Variants in HNRNPK observed in about 807,000 individuals in gnomAD.
HNRNPK encodes heterogeneous nuclear ribonucleoprotein K.
Under a neutral mutation model 67.0 loss-of-function variants are expected in HNRNPK, and 7 were observed. The observed-to-expected ratio is 0.10, with a 90% CI of 0.06 to 0.20. HNRNPK has a LOEUF of 0.20. Among genes scored for constraint, HNRNPK ranks in the 10% least tolerant of loss-of-function variants. The probability of loss-of-function intolerance (pLI) is 1.00; values close to 1 mark genes in which losing one functional copy is unlikely to be tolerated. For synonymous variants in HNRNPK, 213 were observed against 193.7 expected, an observed-to-expected ratio of 1.10 and a Z score of -0.83; for missense variants, 264 against 606.5, an observed-to-expected ratio of 0.44 and a Z score of 5.93.
intron 9 of HNRNPK, 141 bp from the exon 10 acceptor site, chr9:83,973,113 G>A (rs1454425829): frequency 1.2e-5 from 9 of 768,736 alleles, no homozygotes; most frequent in Non-Finnish European, 1.9e-5. Context: ...CTTTGCAATG[G>A]TATAAAAATT....
At chr9:83,977,137 C>T (rs2133058944) in intron 4 of HNRNPK, 86 bp from the exon 5 acceptor site, 2 of 938,456 alleles carry the variant, frequency 2.1e-6, no homozygotes, top group East Asian at 4.9e-5. Context: ...CTAAAAAATC[C>T]TCTAACCTGT....
chr9:83,974,761 C>T (rs1210319987), intron 6 of HNRNPK, 172 bp from the exon 7 acceptor site: 3 of 587,328 alleles, frequency 5.1e-6, no homozygotes, highest in Admixed American at 3.1e-5. Flanking sequence ...TTGTTTTATA[C>T]CCAATACAGA....
intron 16 of HNRNPK, chr9:83,969,912 C>A (rs1206643904): frequency 6.4e-6 from 4 of 624,852 alleles, no homozygotes; most frequent in Non-Finnish European, 1.2e-5. Flanking sequence ...GTGGTTTTGG[C>A]AGCAGTTTTC....
At chr9:83,974,651 G>A in intron 6 of HNRNPK, 62 bp from the exon 7 acceptor site, 1 of 1,096,528 alleles carries the variant, frequency 9.1e-7, no homozygotes, top group South Asian at 1.3e-5. Context: ...TGAGTTTTGT[G>A]TTTGTCACCA....
intron 4 of HNRNPK, 64 bp from the exon 5 acceptor site, chr9:83,977,115 T>G: frequency 1.7e-6 from 2 of 1,143,752 alleles, no homozygotes; most frequent in Non-Finnish European, 2.6e-6. Flanking sequence ...CTACCTACGC[T>G]CTTAGATTTT....
chr9:83,970,675 A>G, intron 15 of HNRNPK, 62 bp downstream of exon 15: 2 of 1,092,548 alleles, frequency 1.8e-6, no homozygotes, highest in Non-Finnish European at 2.8e-6. Context: ...TAAAAAATAT[A>G]CAGAAAGGAG....
chr9:83,976,946 CAT>C lies in HNRNPK; in HGVS notation c.213+47_213+48del, dbSNP rs1491307318. ...ATGTAAATCTTTAAATTTCTATAGA[CAT>C]ATAAACTGAAGCTGCTCGTGTAGTA... On this transcript the variant is annotated intron_variant, in intron 5 of 16. Coordinates refer to ENST00000376263, the MANE Select transcript of HNRNPK (RefSeq NM_031263.4). The C allele has an allele frequency of 3.8e-5, 39 of 1,035,854 alleles. 2 individuals are homozygous for C. Among genetic ancestry groups the C allele is most frequent in the Non-Finnish European group, 5.2e-5 (35 of 671,784 alleles). The allele number at this position is 1,035,854 out of a possible 1,614,324, so 64.2% of individuals were successfully genotyped here.
At chr9:83,973,439 C>A (rs1177212647) in intron 8 of HNRNPK, 40 bp from the exon 9 acceptor site, 2 of 1,060,392 alleles carry the variant, frequency 1.9e-6, no homozygotes, top group African/African-American at 3.1e-5. Context: ...CTCAAATCAA[C>A]AATTCCCCAA....
intron 6 of HNRNPK, 30 bp from the exon 7 acceptor site, chr9:83,974,619 CA>C: frequency 1.3e-5 from 20 of 1,517,664 alleles, no homozygotes; most frequent in Non-Finnish European, 1.3e-5. Context: ...CCAGATAGTA[CA>C]AAAAAGGTGG....
At chr9:83,976,666 T>C (rs928069925) in intron 5 of HNRNPK, 3 of 201,228 alleles carry the variant, frequency 1.5e-5, no homozygotes, top group Non-Finnish European at 3.0e-5. Flanking sequence ...CTGTAATTGA[T>C]TCACACACAG....
In HNRNPK at chr9:83,970,969, A is replaced by G. The variant is rs952077638; in HGVS notation, c.1093-57T>C. The G allele has an allele frequency of 1.9e-5, 29 of 1,533,456 alleles. No homozygotes were observed. In the African/African-American group the frequency reaches 3.6e-4, roughly 19 times the overall value. The allele number at this position is 1,533,456 out of a possible 1,614,324, so 95.0% of individuals were successfully genotyped here. A position where few individuals can be genotyped will look rare whatever the true frequency, so the allele number is the denominator to read the frequency against. ...CTTTGCCGTTGTAATTACTACCGGT[A>G]CTTTAAAAAAATTCATTTAATAAAA... On this transcript the variant is annotated intron_variant, in intron 13 of 16. Coordinates refer to ENST00000376263, the MANE Select transcript of HNRNPK (RefSeq NM_031263.4).
intron 3 of HNRNPK, 111 bp from the exon 4 acceptor site, chr9:83,977,897 G>A: frequency 1.4e-6 from 1 of 693,868 alleles, no homozygotes; most frequent in Admixed American, 2.7e-5. Context: ...AAAGACCAAA[G>A]GCATTGCTAC....
At position 83,971,637 on chromosome 9, in the gene HNRNPK, T is replaced by C. The variant is rs1432354214; in HGVS notation, c.1008+35A>G. On this transcript the variant is annotated intron_variant, in intron 12 of 16. Transcript: ENST00000376263. ...GAACTACATTGTGACAACCCTCACA[T>C]ACCCAACACACTGGTAATAAACCAA... 8 of 1,548,390 alleles carry C rather than the reference T, an allele frequency of 5.2e-6. No individual in the cohort carries two copies. The South Asian group carries it at 5.6e-5, about 11-fold the overall frequency.
rs1956715212 is a variant in HNRNPK, at chr9:83,969,272, A to G, written c.*135T>C. On this transcript the variant is annotated 3_prime_UTR_variant, in exon 17 of 17. Transcript: ENST00000376263. ...CACCTCAAATGCAGAACACCTATGA[A>G]GCAGAGGAATGTTGGCTTTTTAAAC... 1.3e-6 allele frequency: 1 copy of G among 741,502 alleles called. No homozygotes were observed. Among genetic ancestry groups the G allele is most frequent in the South Asian group, 1.5e-5 (1 of 66,814 alleles). 45.9% of individuals were successfully genotyped at this position (741,502 alleles called of 1,614,324 possible).
Position 83,978,423 on chromosome 9 carries a change from C to G in HNRNPK, c.-78G>C. 1 of 1,350,236 alleles carries G rather than the reference C, an allele frequency of 7.4e-7. No homozygotes were observed. Among genetic ancestry groups the G allele is most frequent in the South Asian group, 1.8e-5 (1 of 54,406 alleles). The allele number at this position is 1,350,236 out of a possible 1,614,324, so 83.6% of individuals were successfully genotyped here. Reference sequence around the variant, plus strand: ...AGAACTGAAGCGTTCTGGGTCGGACCAACAACTGACACCCCAGTGCTGCAG... The same window carrying G: ...AGAACTGAAGCGTTCTGGGTCGGACGAACAACTGACACCCCAGTGCTGCAG... On this transcript the variant is annotated 5_prime_UTR_variant, in exon 2 of 17. Transcript: ENST00000376263.
At chr9:83,974,909 G>A (rs887139363) in intron 6 of HNRNPK, among the ~76,000 whole-genome samples, 1 of 152,200 alleles carries the variant, frequency 6.6e-6, no homozygotes, top group Non-Finnish European at 1.5e-5. Context: ...CTGAGTTAAG[G>A]ATACCCTTGC....
chr9:83,975,780 C>T, intron 5 of HNRNPK: 2 of 493,696 alleles, frequency 4.1e-6, no homozygotes, highest in Non-Finnish European at 7.3e-6. Flanking sequence ...ACAAACTATA[C>T]TCATACTCTC....
In HNRNPK at chr9:83,970,908, C is replaced by G. The variant is rs1230832254; in HGVS notation, c.1097G>C (p.Gly366Ala). The change falls in exon 14 of 17, where the codon GGC (glycine) becomes GCC (alanine). Residue 366 changes from glycine to alanine, a missense_variant. This residue lies in a region of HNRNPK where 142 missense variants were observed against 256.5 expected (regional missense o/e 0.55). Transcript: ENST00000376263. ...AGGAGAGAACTTACCATATCCGGAG[C>G]CACCCTAAAAACAGAAAGAAAAAAA... is the stretch of plus-strand genomic sequence containing the variant. ...EWQMAYEPQG[G>A]SGYDYSYAGG... The G allele has an allele frequency of 6.2e-7, 1 of 1,612,806 alleles. No individual in the cohort carries two copies. Among genetic ancestry groups the G allele is most frequent in the Admixed American group, 1.7e-5 (1 of 59,996 alleles).
chr9:83,973,331 T>G lies in HNRNPK; in HGVS notation c.471A>C (p.Gly157=). Reference sequence around the variant, plus strand: ...TAGCACCTTTGACCCCAATAATTCCTCCTGCTAGACTCTGATGAATCAACA... The same window carrying G: ...TAGCACCTTTGACCCCAATAATTCCGCCTGCTAGACTCTGATGAATCAACA... The part of the protein sequence containing the change: ...LRLLIHQSLA[G]GIIGVKGAKI... Residue 157 remains glycine, a synonymous_variant, in exon 9 of 17, where the codon GGA becomes GGC. Transcript: ENST00000376263. The G allele has an allele frequency of 6.2e-7, 1 of 1,610,456 alleles. No homozygotes were observed.
Sources: gnomAD v4.1 joint callset for allele counts (sites outside exome capture counted in the v4.1 genomes callset) on GRCh38, gnomAD v4.1.1 for gene constraint, gnomAD v4.1.1 regional missense constraint, MANE v1.5 for transcripts, NCBI Gene and HGNC (gene_info 2026-07-23, HGNC 2026-07-21) for gene names.